SPOCK3: variants seen among roughly 807,000 people sequenced by gnomAD.
The protein encoded by SPOCK3 is SPARC (osteonectin), cwcv and kazal like domains proteoglycan 3.
A neutral mutation model predicts 56.6 loss-of-function variants in SPOCK3; 30 were observed. The observed-to-expected ratio is 0.53, with a 90% CI of 0.40 to 0.72. SPOCK3 has a LOEUF of 0.72. Among genes scored for constraint, SPOCK3 ranks in the 30% least tolerant of loss-of-function variants. The pLI is 0.00. For synonymous variants in SPOCK3, 196 were observed against 183.3 expected (o/e 1.07, Z -0.56); for missense variants, 527 against 530.0 (o/e 0.99, Z 0.06).
At chr4:167,045,217 A>G (rs1753605915) in intron 3 of SPOCK3, among the ~76,000 whole-genome samples, 1 of 151,828 alleles carries the variant, frequency 6.6e-6, no homozygotes, top group Non-Finnish European at 1.5e-5. Context: ...ACTTCTGCTT[A>G]TTTTTTATTA....
At chr4:167,058,471 C>T (rs966745976) in intron 3 of SPOCK3, among the ~76,000 whole-genome samples, 1 of 152,094 alleles carries the variant, frequency 6.6e-6, no homozygotes, top group African/African-American at 2.4e-5. Flanking sequence ...TCAAGGAGAA[C>T]TACAAACCAC....
intron 2 of SPOCK3, among the ~76,000 whole-genome samples, chr4:167,104,844 G>GAAAAAAAAAAA (rs533487671): frequency 7.9e-6 from 1 of 126,542 alleles, no homozygotes. Context: ...CAAGCAAAAA[G>GAAAAAAAAAAA]AAAAAAAAAA....
At chr4:166,781,588 C>G (rs1054939780) in intron 7 of SPOCK3, among the ~76,000 whole-genome samples, 2 of 151,372 alleles carry the variant, frequency 1.3e-5, no homozygotes, top group Non-Finnish European at 3.0e-5. Context: ...AAAATGGGGT[C>G]GAAGAATATT....
At chr4:167,102,239 A>C (rs924372285) in intron 2 of SPOCK3, among the ~76,000 whole-genome samples, 1 of 152,092 alleles carries the variant, frequency 6.6e-6, no homozygotes, top group Non-Finnish European at 1.5e-5. Flanking sequence ...ACCTCATAAT[A>C]AAGCACAAAG....
At chr4:167,036,255 G>C (rs1752742321) in intron 3 of SPOCK3, among the ~76,000 whole-genome samples, 1 of 152,102 alleles carries the variant, frequency 6.6e-6, no homozygotes, top group Non-Finnish European at 1.5e-5. Flanking sequence ...ATTTAGAACT[G>C]ATCATTTGAC....
At chr4:166,842,159 ACCCAAAG>A (rs1747473884) in intron 6 of SPOCK3, among the ~76,000 whole-genome samples, 1 of 152,222 alleles carries the variant, frequency 6.6e-6, no homozygotes, top group Non-Finnish European at 1.5e-5. Context: ...GGCAGTGCGG[ACCCAAAG>A]AGTGAGCAGC....
Position 167,197,454 on chromosome 4 carries a change from A to C in SPOCK3, c.189+36531T>G, listed in dbSNP as rs187163959. Among the ~76,000 whole-genome samples the C allele has an allele frequency of 9.2e-5, 14 of 152,316 alleles. No homozygotes were observed. In the East Asian group the frequency reaches 2.7e-3, roughly 29 times the overall value. On this transcript the variant is annotated intron_variant, in intron 2 of 10. Transcript: ENST00000357545. ...ATTTAGGCTATTACTTATAAGGTAGATGAAATTAGAACAAAAGTGAAAATA... is the reference window on the plus strand; with the variant it reads ...ATTTAGGCTATTACTTATAAGGTAGCTGAAATTAGAACAAAAGTGAAAATA...
chr4:166,750,464 T>G (rs1429005080), intron 8 of SPOCK3, among the ~76,000 whole-genome samples: 1 of 152,084 alleles, frequency 6.6e-6, no homozygotes, highest in Non-Finnish European at 1.5e-5. Context: ...TTATCTTATG[T>G]GCTTAAAAAC....
chr4:167,023,462 A>T (rs1751394112), intron 3 of SPOCK3, among the ~76,000 whole-genome samples: 1 of 151,954 alleles, frequency 6.6e-6, no homozygotes, highest in Non-Finnish European at 1.5e-5. Context: ...CTAGGTTAAA[A>T]AAAAAAGAAA....
At chr4:166,769,349 G>T (rs1171160905) in intron 7 of SPOCK3, among the ~76,000 whole-genome samples, 1 of 134,106 alleles carries the variant, frequency 7.5e-6, no homozygotes, top group African/African-American at 2.7e-5. Flanking sequence ...TGATGGTGAC[G>T]TACAGATGGG....
At chr4:167,143,274 C>G (rs1256898748) in intron 2 of SPOCK3, among the ~76,000 whole-genome samples, 1 of 151,930 alleles carries the variant, frequency 6.6e-6, no homozygotes, top group Non-Finnish European at 1.5e-5. Flanking sequence ...GCCAAATATA[C>G]TTTTGTCCTT....
At chr4:167,039,069 G>A (rs1753016855) in intron 3 of SPOCK3, among the ~76,000 whole-genome samples, 1 of 152,108 alleles carries the variant, frequency 6.6e-6, no homozygotes, top group Non-Finnish European at 1.5e-5. Context: ...TCCTTCTTGA[G>A]GGCTCCAAGA....
At chr4:166,817,143 T>G (rs1434205704) in intron 6 of SPOCK3, among the ~76,000 whole-genome samples, 1 of 152,010 alleles carries the variant, frequency 6.6e-6, no homozygotes, top group Non-Finnish European at 1.5e-5. Flanking sequence ...AAGGTCTGAT[T>G]CACAGGGCAA....
chr4:166,812,084 A>G (rs534767314), intron 6 of SPOCK3, among the ~76,000 whole-genome samples: 4 of 151,988 alleles, frequency 2.6e-5, no homozygotes, highest in South Asian at 2.1e-4. Flanking sequence ...AATACTGATT[A>G]GTGTTTCCAG....
At chr4:167,132,315 TCA>T (rs1762769255) in intron 2 of SPOCK3, among the ~76,000 whole-genome samples, 2 of 152,198 alleles carry the variant, frequency 1.3e-5, no homozygotes, top group African/African-American at 4.8e-5. Context: ...ACATTTCATA[TCA>T]GAGACCAAGC....
rs1301162991 is a variant in SPOCK3 at position 167,087,429 on chromosome 4, T to C, written c.190-24892A>G. On this transcript the variant is annotated intron_variant, in intron 2 of 10. Transcript: ENST00000357545. ...CAATTATTCTGACATTTGTAACAAA[T>C]ATATTGACGTTACAGTAAGAACCAC... is the stretch of plus-strand genomic sequence containing the variant. Among the ~76,000 whole-genome samples the C allele has an allele frequency of 5.4e-4, 82 of 152,192 alleles. 1 individual carries two copies. Among genetic ancestry groups the C allele is most frequent in the Admixed American group, 5.3e-3 (81 of 15,274 alleles).
At chr4:166,834,036 C>G (rs576020646) in intron 6 of SPOCK3, among the ~76,000 whole-genome samples, 2 of 152,318 alleles carry the variant, frequency 1.3e-5, no homozygotes, top group East Asian at 1.9e-4. Flanking sequence ...CGTTTTCCTT[C>G]TACTCCTCCC....
intron 2 of SPOCK3, among the ~76,000 whole-genome samples, chr4:167,182,815 C>A (rs1001932353): frequency 7.2e-5 from 11 of 152,248 alleles, no homozygotes; most frequent in Middle Eastern, 3.4e-3. Flanking sequence ...GGATTACAGG[C>A]GTGAGCCACT....
At chr4:166,980,186 C>T (rs1029295495) in intron 4 of SPOCK3, among the ~76,000 whole-genome samples, 1 of 152,180 alleles carries the variant, frequency 6.6e-6, no homozygotes, top group Non-Finnish European at 1.5e-5. Context: ...CTATTCTTCA[C>T]TTAAAGAAAA....
Sources: gnomAD v4.1 joint callset for allele counts (sites outside exome capture counted in the v4.1 genomes callset) on GRCh38, gnomAD v4.1.1 for gene constraint, MANE v1.5 for transcripts, NCBI Gene and HGNC (gene_info 2026-07-23, HGNC 2026-07-21) for gene names.